KDM4C: variants seen among roughly 807,000 people sequenced by gnomAD.
KDM4C encodes lysine-specific demethylase 4C.
Under a neutral mutation model 129.3 loss-of-function variants are expected in KDM4C, and 81 were observed. That is an observed-to-expected ratio of 0.63 (90% confidence interval 0.52 to 0.75). The LOEUF is 0.75. Ranked by LOEUF, KDM4C falls within the 30% of genes least tolerant of loss-of-function variation. KDM4C has a pLI of 0.00. For synonymous variants in KDM4C, 573 were observed against 456.1 expected, an observed-to-expected ratio of 1.26 and a Z score of -3.26; for missense variants, 1,457 against 1,304.0, an observed-to-expected ratio of 1.12 and a Z score of -1.81.
At chr9:6,900,906 C>T (rs1817291983) in intron 8 of KDM4C, among the ~76,000 whole-genome samples, 1 of 151,128 alleles carries the variant, frequency 6.6e-6, no homozygotes, top group Non-Finnish European at 1.5e-5. Flanking sequence ...CCACCTATCT[C>T]AATGTATGTT....
chr9:7,044,633 CG>C (rs1417211407), intron 15 of KDM4C, among the ~76,000 whole-genome samples: 1 of 151,820 alleles, frequency 6.6e-6, no homozygotes, highest in Non-Finnish European at 1.5e-5. Context: ...GGAAAACAGT[CG>C]GGGAGTACAG....
intron 5 of KDM4C, among the ~76,000 whole-genome samples, chr9:6,866,997 G>GTA (rs1563725546): frequency 7.7e-5 from 4 of 51,628 alleles, no homozygotes; most frequent in South Asian, 3.5e-4. Context: ...GTGTGTGTGT[G>GTA]TGTATATATA....
At chr9:6,967,987 A>G (rs761969488) in intron 8 of KDM4C, among the ~76,000 whole-genome samples, 4 of 152,268 alleles carry the variant, frequency 2.6e-5, no homozygotes, top group Non-Finnish European at 5.9e-5. Context: ...GACAATATCT[A>G]TAATGACTGA....
chr9:7,099,610 T>C (rs927677162), intron 17 of KDM4C, among the ~76,000 whole-genome samples: 1 of 152,380 alleles, frequency 6.6e-6, no homozygotes, highest in East Asian at 1.9e-4. Flanking sequence ...TTTTTAACCC[T>C]GTAGCCTCTT....
intron 4 of KDM4C, among the ~76,000 whole-genome samples, chr9:6,828,287 A>G (rs1834215700): frequency 6.6e-6 from 1 of 152,026 alleles, no homozygotes; most frequent in African/African-American, 2.4e-5. Context: ...AGCTGGGACT[A>G]CAGGAGCCCA....
chr9:7,107,837 A>G (rs1696796521), intron 18 of KDM4C, among the ~76,000 whole-genome samples: 1 of 147,632 alleles, frequency 6.8e-6, no homozygotes, highest in Admixed American at 6.7e-5. Context: ...GGTCATAAGG[A>G]CAGAAAGTAT....
chr9:7,029,209 A>T (rs1826316511), intron 15 of KDM4C, among the ~76,000 whole-genome samples: 1 of 151,360 alleles, frequency 6.6e-6, no homozygotes, highest in Non-Finnish European at 1.5e-5. Context: ...CCTGCAGGCT[A>T]TTGCTAATTT....
intron 19 of KDM4C, among the ~76,000 whole-genome samples, chr9:7,134,198 TTC>T (rs1840948520): frequency 6.6e-6 from 1 of 152,244 alleles, no homozygotes; most frequent in Admixed American, 6.5e-5. Context: ...CTCTTTAGGG[TTC>T]TCTCGCTTTT....
chr9:7,025,462 A>T (rs539615501), intron 15 of KDM4C, among the ~76,000 whole-genome samples: 17 of 152,120 alleles, frequency 1.1e-4, no homozygotes, highest in African/African-American at 4.1e-4. Context: ...CTTTTATTGA[A>T]GGTGATTTTG....
At chr9:6,936,891 G>T (rs952039661) in intron 8 of KDM4C, among the ~76,000 whole-genome samples, 3 of 152,174 alleles carry the variant, frequency 2.0e-5, no homozygotes, top group Non-Finnish European at 4.4e-5. Flanking sequence ...GGAATGAAAA[G>T]ATTTTAGCAC....
At chr9:6,962,939 C>T (rs1469215782) in intron 8 of KDM4C, among the ~76,000 whole-genome samples, 2 of 152,236 alleles carry the variant, frequency 1.3e-5, no homozygotes, top group African/African-American at 4.8e-5. Context: ...AAATATTTTA[C>T]AAGATACATA....
At chr9:6,745,152 C>T (rs966489760) in intron 1 of KDM4C, among the ~76,000 whole-genome samples, 3 of 152,130 alleles carry the variant, frequency 2.0e-5, no homozygotes, top group African/African-American at 7.2e-5. Context: ...GTCAAAGGAG[C>T]ATCTCAGGAT....
chr9:6,776,167 C>T (rs1021457507), intron 1 of KDM4C, among the ~76,000 whole-genome samples: 2 of 152,214 alleles, frequency 1.3e-5, no homozygotes, highest in Non-Finnish European at 2.9e-5. Flanking sequence ...TCACTGAAGC[C>T]TTGAACTCCT....
At chr9:6,854,069 T>A (rs1839322731) in intron 5 of KDM4C, among the ~76,000 whole-genome samples, 1 of 152,144 alleles carries the variant, frequency 6.6e-6, no homozygotes, top group South Asian at 2.1e-4. Context: ...AAGTCTGAAC[T>A]TGGCCATAAT....
In KDM4C at chr9:7,112,889, C is replaced by T. The variant is rs145567844; in HGVS notation, c.2610+9019C>T. ...GATCCTGGGTGTCTTTATGTTTTGC[C>T]GATGATAGAATTGTTTTTCCTTTAA... On this transcript the variant is annotated intron_variant, in intron 18 of 21. Coordinates refer to ENST00000381309, the MANE Select transcript of KDM4C (RefSeq NM_015061.6). Among the ~76,000 whole-genome samples, 1,130 of 152,152 alleles carry T rather than the reference C, an allele frequency of 7.4e-3. 17 individuals carry two copies. The highest frequency in any genetic ancestry group is 0.026 in the African/African-American group (1,080 of 41,504).
At chr9:6,813,680 A>T (rs1209349206) in intron 3 of KDM4C, among the ~76,000 whole-genome samples, 3 of 152,124 alleles carry the variant, frequency 2.0e-5, no homozygotes, top group Non-Finnish European at 4.4e-5. Context: ...TGGTGAGATT[A>T]TTGTTCAAAT....
At chr9:7,003,261 C>G (rs1234290587) in intron 12 of KDM4C, among the ~76,000 whole-genome samples, 1 of 152,092 alleles carries the variant, frequency 6.6e-6, no homozygotes. Context: ...AGCCAGATAC[C>G]TTTGTTAATA....
At chr9:7,060,621 A>G (rs1831513120) in intron 17 of KDM4C, among the ~76,000 whole-genome samples, 1 of 152,086 alleles carries the variant, frequency 6.6e-6, no homozygotes, top group African/African-American at 2.4e-5. Context: ...AGCTGGGACT[A>G]CAGGTGCATG....
At chr9:7,054,979 C>T (rs780313921) in intron 17 of KDM4C, among the ~76,000 whole-genome samples, 4 of 152,072 alleles carry the variant, frequency 2.6e-5, no homozygotes, top group East Asian at 1.9e-4. Flanking sequence ...AGCATTGAGA[C>T]CATCCTGGCC....
Sources: gnomAD v4.1 joint callset for allele counts (sites outside exome capture counted in the v4.1 genomes callset) on GRCh38, gnomAD v4.1.1 for gene constraint, MANE v1.5 for transcripts, NCBI Gene and HGNC (gene_info 2026-07-23, HGNC 2026-07-21) for gene names.